The following SMIM17 variants were observed in gnomAD, a reference collection of about 807,000 sequenced individuals.
SMIM17 encodes the protein small integral membrane protein 17.
In SMIM17, 10 loss-of-function variants were observed where a neutral mutation model predicts 12.2. The observed-to-expected ratio is 0.82, with a 90% CI of 0.50 to 1.39. The LOEUF (loss-of-function observed/expected upper bound fraction) is 1.39. SMIM17 is among the 40% of genes most tolerant of loss of function. The pLI is 0.00. For synonymous variants in SMIM17, 50 were observed against 44.1 expected (o/e 1.13, Z -0.53); for missense variants, 136 against 118.2 (o/e 1.15, Z -0.70).
chr19:56,648,820 A>G (rs759748909), intron 3 of SMIM17, among the ~76,000 whole-genome samples: 5 of 152,252 alleles, frequency 3.3e-5, no homozygotes, highest in Non-Finnish European at 5.9e-5. Flanking sequence ...GAGGAATAAG[A>G]TATCAATATA....
At chr19:56,653,668 C>T (rs1234674967) in intron 3 of SMIM17, among the ~76,000 whole-genome samples, 2 of 152,176 alleles carry the variant, frequency 1.3e-5, no homozygotes, top group Admixed American at 1.3e-4. Context: ...AAAACCTCTC[C>T]CAACAACTTT....
Position 56,647,638 on chromosome 19 carries a change from C to A in SMIM17, c.246+4C>A. 2.6e-6 allele frequency: 4 copies of A among 1,535,040 alleles called. No homozygotes were observed. The highest frequency in any genetic ancestry group is 3.5e-6 in the Non-Finnish European group (4 of 1,146,052). On this transcript the variant is annotated splice_donor_region_variant and intron_variant, in intron 3 of 3. Coordinates refer to ENST00000598409, the MANE Select transcript of SMIM17 (RefSeq NM_001193628.2). ...TGACGAATCAGAGGGCTCCCAGGTACACTGGGGGGTTTGTTCTTTTTCCAC... is the reference window on the plus strand; with the variant it reads ...TGACGAATCAGAGGGCTCCCAGGTAAACTGGGGGGTTTGTTCTTTTTCCAC...
At chr19:56,647,420 TGAGAGA>T (rs72370552) in intron 2 of SMIM17, 132 bp from the exon 3 acceptor site, 1,166 of 546,684 alleles carry the variant, frequency 2.1e-3, no homozygotes, top group South Asian at 3.8e-3. Flanking sequence ...AGAAGGAGGG[TGAGAGA>T]GAGAGAGAGA....
At chr19:56,648,767 CAAACACAT>C (rs1188241193) in intron 3 of SMIM17, among the ~76,000 whole-genome samples, 29 of 152,350 alleles carry the variant, frequency 1.9e-4, no homozygotes, top group African/African-American at 6.5e-4. Context: ...AGACAATTAT[CAAACACAT>C]TTCTTTCACT....
intron 3 of SMIM17, among the ~76,000 whole-genome samples, chr19:56,651,477 G>A (rs2045108934): frequency 6.6e-6 from 1 of 152,154 alleles, no homozygotes. Flanking sequence ...GGGCACAGAA[G>A]AAAGCAAGCA....
chr19:56,653,960 A>G (rs1470933468), intron 3 of SMIM17, among the ~76,000 whole-genome samples: 1 of 152,144 alleles, frequency 6.6e-6, no homozygotes, highest in Admixed American at 6.5e-5. Flanking sequence ...ACATTCACCA[A>G]ACTTCCTTGA....
Position 56,652,009 on chromosome 19 carries a change from C to T in SMIM17, c.247-3094C>T, listed in dbSNP as rs150247948. ...ATCCCAGCTACTCAGGAGACTGAGGCAGGAGAATCGCTTGAACCTGGGAGG... is the reference window on the plus strand; with the variant it reads ...ATCCCAGCTACTCAGGAGACTGAGGTAGGAGAATCGCTTGAACCTGGGAGG... On this transcript the variant is annotated intron_variant, in intron 3 of 3. Coordinates refer to ENST00000598409, the MANE Select transcript of SMIM17 (RefSeq NM_001193628.2). 1.3e-3 allele frequency among the ~76,000 whole-genome samples: 188 copies of T among 143,484 alleles called. 2 individuals are homozygous for T. Among genetic ancestry groups the T allele is most frequent in the African/African-American group, 4.5e-3 (173 of 38,170 alleles). 94.1% of individuals were successfully genotyped at this position (143,484 alleles called of 152,430 possible).
At position 56,650,686 on chromosome 19, in the gene SMIM17, T is replaced by C. The variant is rs372783544; in HGVS notation, c.246+3052T>C. On this transcript the variant is annotated intron_variant, in intron 3 of 3. Transcript: ENST00000598409. Reference sequence around the variant, plus strand: ...TAGAGTTTGGGCTTGGAGGGGAGGATAGGAGCGAATGGGACCCAGGACCTG... The same window carrying C: ...TAGAGTTTGGGCTTGGAGGGGAGGACAGGAGCGAATGGGACCCAGGACCTG... Among the ~76,000 whole-genome samples, 41 of 152,034 alleles carry C rather than the reference T, an allele frequency of 2.7e-4. 1 individual carries two copies. Among genetic ancestry groups the C allele is most frequent in the African/African-American group, 9.9e-4 (41 of 41,474 alleles).
intron 3 of SMIM17, among the ~76,000 whole-genome samples, chr19:56,648,034 A>T (rs1296442600): frequency 6.6e-6 from 1 of 150,878 alleles, no homozygotes; most frequent in Non-Finnish European, 1.5e-5. Flanking sequence ...TTATTCACCT[A>T]CTTGCTTGTA....
In SMIM17 at chr19:56,647,420, T is replaced by TGAGAGAGAGAGAGAGA. The variant is rs72370552; in HGVS notation, c.170-122_170-107dup. 1.0e-3 allele frequency: 557 copies of TGAGAGAGAGAGAGAGA among 548,412 alleles called. 3 individuals are homozygous for TGAGAGAGAGAGAGAGA. The African/African-American group carries it at 0.01, about 10-fold the overall frequency. The allele number at this position is 548,412 out of a possible 1,614,324, so 34.0% of individuals were successfully genotyped here. Reference sequence around the variant, plus strand: ...GAGAGAGAGAGAGAGAGAAGGAGGGTGAGAGAGAGAGAGAGAGAGAGAGAG... The same window carrying TGAGAGAGAGAGAGAGA: ...GAGAGAGAGAGAGAGAGAAGGAGGGTGAGAGAGAGAGAGAGAGAGAGAGAGAGAGAGAGAGAGAGAG... On this transcript the variant is annotated intron_variant, in intron 2 of 3. Transcript: ENST00000598409.
rs767734956 is a variant in SMIM17, at chr19:56,655,144, A to G, written c.288A>G (p.Ile96Met). 3 of 702,204 alleles carry G rather than the reference A, an allele frequency of 4.3e-6. No individual in the cohort carries two copies. Among genetic ancestry groups the G allele is most frequent in the Non-Finnish European group, 5.2e-6 (2 of 384,582 alleles). 43.5% of individuals were successfully genotyped at this position (702,204 alleles called of 1,614,324 possible). The change falls in exon 4 of 4, where the codon ATA becomes ATG. Residue 96 changes from isoleucine to methionine, a missense_variant. Ile to Met is a conservative substitution (Grantham distance 10). Transcript: ENST00000598409. ...CAAAAGCTCCACAACAAACAACCAT[A>G]GTCTTGGTAGTGTGCGTGCTTTTTT... ...EWSKAPQQTT[I>M]VLVVCVLFLF...
At chr19:56,646,405 C>T (rs2045063477) in intron 2 of SMIM17, among the ~76,000 whole-genome samples, 1 of 152,172 alleles carries the variant, frequency 6.6e-6, no homozygotes, top group South Asian at 2.1e-4. Context: ...CACTTCTCCT[C>T]CCCGGACGAT....
intron 1 of SMIM17, among the ~76,000 whole-genome samples, chr19:56,645,163 A>G (rs1338751973): frequency 6.6e-6 from 1 of 151,544 alleles, no homozygotes; most frequent in African/African-American, 2.4e-5. Context: ...GTGAGTGTGT[A>G]TGAGTGTGTG....
At chr19:56,647,379 GTGTT>G (rs949739276) in intron 2 of SMIM17, among the ~76,000 whole-genome samples, 175 bp from the exon 3 acceptor site, 2 of 150,676 alleles carry the variant, frequency 1.3e-5, no homozygotes, top group Non-Finnish European at 2.9e-5. Context: ...GTGGGGTTGT[GTGTT>G]TGTGTGTGTG....
intron 3 of SMIM17, among the ~76,000 whole-genome samples, chr19:56,652,341 C>T (rs2045115916): frequency 6.6e-6 from 1 of 151,876 alleles, no homozygotes; most frequent in Non-Finnish European, 1.5e-5. Flanking sequence ...CAAGGGAACC[C>T]TGGAATGTGA....
At chr19:56,645,183 AT>A (rs1480096297) in intron 1 of SMIM17, among the ~76,000 whole-genome samples, 1 of 148,510 alleles carries the variant, frequency 6.7e-6, no homozygotes, top group Non-Finnish European at 1.5e-5. Flanking sequence ...GTGTTAGTCT[AT>A]GTGAGTGTGT....
At chr19:56,655,082 T>C (rs1314297149) in intron 3 of SMIM17, 21 bp from the exon 4 acceptor site, 1 of 671,778 alleles carries the variant, frequency 1.5e-6, no homozygotes, top group South Asian at 1.6e-5. Context: ...ATATTTATCC[T>C]TTTCCTTTTT....
chr19:56,646,175 G>A (rs564992202), intron 2 of SMIM17, among the ~76,000 whole-genome samples: 50 of 152,262 alleles, frequency 3.3e-4, no homozygotes, highest in African/African-American at 1.2e-3. Flanking sequence ...CTGGCTGTTG[G>A]CTGGCTTGGT....
chr19:56,646,553 G>A (rs1196315596), intron 2 of SMIM17, among the ~76,000 whole-genome samples: 1 of 152,144 alleles, frequency 6.6e-6, no homozygotes, highest in Non-Finnish European at 1.5e-5. Flanking sequence ...AGAAAGAATG[G>A]TGCAGCTCCA....
Sources: gnomAD v4.1 joint callset for allele counts (sites outside exome capture counted in the v4.1 genomes callset) on GRCh38, gnomAD v4.1.1 for gene constraint, MANE v1.5 for transcripts, NCBI Gene and HGNC (gene_info 2026-07-23, HGNC 2026-07-21) for gene names.